MED12L: variants seen among roughly 807,000 people sequenced by gnomAD.
MED12L encodes the protein mediator of RNA polymerase II transcription subunit 12-like protein.
Under a neutral mutation model 281.3 loss-of-function variants are expected in MED12L, and 60 were observed. The observed-to-expected ratio is 0.21, with a 90% CI of 0.17 to 0.26. The LOEUF (loss-of-function observed/expected upper bound fraction) is 0.26, where lower values mean the gene tolerates loss of function less well. MED12L is among the 10% of genes least tolerant of loss of function. The pLI is 1.00. For synonymous variants in MED12L, 974 were observed against 987.2 expected, an observed-to-expected ratio of 0.99 and a Z score of 0.25; for missense variants, 2,146 against 2,680.9, an observed-to-expected ratio of 0.80 and a Z score of 4.41.
chr3:151,282,665 T>C (rs1365694570), intron 16 of MED12L, among the ~76,000 whole-genome samples: 1 of 152,198 alleles, frequency 6.6e-6, no homozygotes. Flanking sequence ...GAAAGTCAAC[T>C]TAGTACTGTA....
At chr3:151,129,264 CTTAAAA>C (rs761590653) in intron 5 of MED12L, among the ~76,000 whole-genome samples, 1 of 152,108 alleles carries the variant, frequency 6.6e-6, no homozygotes, top group African/African-American at 2.4e-5. Context: ...AGCATGAACA[CTTAAAA>C]TTAAAAACAA....
chr3:151,165,157 G>T (rs1174951605), intron 9 of MED12L, among the ~76,000 whole-genome samples: 2 of 152,086 alleles, frequency 1.3e-5, no homozygotes, highest in Non-Finnish European at 2.9e-5. Flanking sequence ...TTTCCACGTG[G>T]TGTCCTAAAA....
chr3:151,328,210 T>A, intron 16 of MED12L: 1 of 1,612,970 alleles, frequency 6.2e-7, no homozygotes, highest in Non-Finnish European at 8.5e-7. Flanking sequence ...TATTGTTGGT[T>A]TGACTGTGAG....
chr3:151,357,505 C>A, intron 20 of MED12L, 129 bp downstream of exon 20: 1 of 775,298 alleles, frequency 1.3e-6, no homozygotes, highest in Non-Finnish European at 1.9e-6. Context: ...TTAAAGAACA[C>A]TCTTGCCAGA....
At chr3:151,141,595 G>T (rs932270389) in intron 5 of MED12L, among the ~76,000 whole-genome samples, 1 of 152,112 alleles carries the variant, frequency 6.6e-6, no homozygotes, top group African/African-American at 2.4e-5. Context: ...AAAAATTAGG[G>T]AAAGTTTTCT....
At chr3:151,197,818 C>G (rs892754982) in intron 16 of MED12L, 2 of 152,474 alleles carry the variant, frequency 1.3e-5, no homozygotes, top group African/African-American at 4.8e-5. Context: ...ACAAATAATA[C>G]ATTAAAGATT....
intron 16 of MED12L, among the ~76,000 whole-genome samples, chr3:151,271,095 A>C (rs1177569179): frequency 6.6e-6 from 1 of 152,092 alleles, no homozygotes; most frequent in Non-Finnish European, 1.5e-5. Context: ...CAAGCCATAG[A>C]TTGGGGAGTA....
At chr3:151,231,804 T>C (rs747745888) in intron 16 of MED12L, among the ~76,000 whole-genome samples, 8 of 152,234 alleles carry the variant, frequency 5.3e-5, no homozygotes, top group Non-Finnish European at 1.2e-4. Context: ...ATATTGATGG[T>C]GTGGTTAAGC....
At chr3:151,328,158 C>T (rs1269448762) in intron 16 of MED12L, 1 of 1,612,956 alleles carries the variant, frequency 6.2e-7, no homozygotes, top group Admixed American at 1.7e-5. Flanking sequence ...AGAGTTGTTT[C>T]TTTAGCAATA....
chr3:151,121,200 C>G (rs1248357883), intron 3 of MED12L, among the ~76,000 whole-genome samples: 1 of 152,136 alleles, frequency 6.6e-6, no homozygotes, highest in Non-Finnish European at 1.5e-5. Flanking sequence ...CTGCTTGTTT[C>G]CAAACAGCTG....
At chr3:151,337,901 G>C (rs1483272596) in intron 16 of MED12L, 1 of 1,613,968 alleles carries the variant, frequency 6.2e-7, no homozygotes, top group African/African-American at 1.3e-5. Flanking sequence ...CAGAATTGGG[G>C]CACTTCAGCA....
intron 16 of MED12L, among the ~76,000 whole-genome samples, chr3:151,240,772 T>C (rs1451283291): frequency 1.3e-5 from 2 of 152,252 alleles, no homozygotes; most frequent in Non-Finnish European, 2.9e-5. Context: ...AACTTGTATT[T>C]ATATATTAAT....
At chr3:151,317,436 CTTTTTTTTTTTT>C (rs1164820615) in intron 16 of MED12L, among the ~76,000 whole-genome samples, 6 of 58,740 alleles carry the variant, frequency 1.0e-4, no homozygotes, top group East Asian at 6.1e-4. Flanking sequence ...AATCATATCA[CTTTTTTTTTTTT>C]TTTTTTTTTT....
At chr3:151,411,076 C>T (rs576804484) in intron 40 of MED12L, among the ~76,000 whole-genome samples, 1 of 152,092 alleles carries the variant, frequency 6.6e-6, no homozygotes, top group African/African-American at 2.4e-5. Context: ...AGTCATTACA[C>T]AGCCAGATCA....
In MED12L at chr3:151,350,122, C is replaced by T. The variant is rs1753038933; in HGVS notation, c.2314C>T (p.Arg772Cys). 3.1e-6 allele frequency: 5 copies of T among 1,613,060 alleles called. No homozygotes were observed. The highest frequency in any genetic ancestry group is 2.2e-5 in the South Asian group (2 of 91,016). ...CCTTCTCTATGGAGTCGGCAAAGAG[C>T]GTGATGAAGCAAGGCATCAGCTGAA... is the stretch of plus-strand genomic sequence containing the variant. Reference protein sequence around the residue: ...TILLYGVGKERDEARHQLKKI... With the variant: ...TILLYGVGKECDEARHQLKKI... Residue 772 changes from arginine to cysteine, a missense_variant, in exon 17 of 45, where the codon CGT becomes TGT. By Grantham distance (180) the Arg-to-Cys change is radical (BLOSUM62 -3). Transcript: ENST00000687756.
At chr3:151,246,418 CAG>C (rs1259622086) in intron 16 of MED12L, among the ~76,000 whole-genome samples, 2 of 152,040 alleles carry the variant, frequency 1.3e-5, no homozygotes, top group Non-Finnish European at 2.9e-5. Flanking sequence ...GGTACCAAAA[CAG>C]AGATATAGAT....
intron 31 of MED12L, among the ~76,000 whole-genome samples, chr3:151,378,923 T>C (rs1711702902): frequency 6.6e-6 from 1 of 152,234 alleles, no homozygotes; most frequent in Non-Finnish European, 1.5e-5. Context: ...CTTTTAAAAT[T>C]CTTATAGCAA....
intron 26 of MED12L, among the ~76,000 whole-genome samples, chr3:151,370,713 G>A (rs1417824939): frequency 6.6e-6 from 1 of 152,086 alleles, no homozygotes; most frequent in Non-Finnish European, 1.5e-5. Context: ...ATAGAGATAG[G>A]GACTGGCTTT....
At chr3:151,145,929 A>G (rs556398963) in intron 5 of MED12L, among the ~76,000 whole-genome samples, 55 of 152,300 alleles carry the variant, frequency 3.6e-4, no homozygotes, top group African/African-American at 1.1e-3. Context: ...CACCTCCCTG[A>G]TGGAGTTGGC....
Sources: gnomAD v4.1 joint callset for allele counts (sites outside exome capture counted in the v4.1 genomes callset) on GRCh38, gnomAD v4.1.1 for gene constraint, MANE v1.5 for transcripts, NCBI Gene and HGNC (gene_info 2026-07-23, HGNC 2026-07-21) for gene names.